The following CPM variants were observed in gnomAD, a reference collection of about 807,000 sequenced individuals.
The protein encoded by CPM is carboxypeptidase M.
In CPM, 35 loss-of-function variants were observed where a neutral mutation model predicts 46.4. The observed-to-expected ratio is 0.75, with a 90% CI of 0.58 to 1.00. CPM has a LOEUF of 1.00. Among genes scored for constraint, CPM ranks in the 50% least tolerant of loss-of-function variants. The pLI is 0.00. For missense variants in CPM, 422 were observed against 530.4 expected (o/e 0.80, Z 2.01); for synonymous variants, 195 against 195.3 (o/e 1.00, Z 0.01).
At chr12:68,864,788 G>T (rs933913331) in intron 7 of CPM, among the ~76,000 whole-genome samples, 1 of 152,200 alleles carries the variant, frequency 6.6e-6, no homozygotes, top group African/African-American at 2.4e-5. Flanking sequence ...GAGGCAGAAG[G>T]ATCGCTTGAG....
intron 2 of CPM, among the ~76,000 whole-genome samples, chr12:68,900,682 T>C (rs1887076158): frequency 6.6e-6 from 1 of 152,180 alleles, no homozygotes; most frequent in Non-Finnish European, 1.5e-5. Context: ...GACAATGGAA[T>C]ACGAGTCAGT....
At chr12:68,959,486 T>C (rs937687592) in intron 1 of CPM, among the ~76,000 whole-genome samples, 3 of 152,176 alleles carry the variant, frequency 2.0e-5, no homozygotes, top group Admixed American at 6.5e-5. Flanking sequence ...TAAGACTGAG[T>C]TAGTTTTCAA....
intron 2 of CPM, among the ~76,000 whole-genome samples, chr12:68,916,082 C>T (rs1488511020): frequency 6.6e-6 from 1 of 152,188 alleles, no homozygotes; most frequent in East Asian, 1.9e-4. Flanking sequence ...CTCTCATGTT[C>T]CTGCTCACGC....
downstream of CPM, chr12:68,846,255 A>ATTTTTGTAT (rs1156427702): frequency 6.7e-6 from 1 of 148,176 alleles, no homozygotes; most frequent in Non-Finnish European, 1.5e-5. Flanking sequence ...GCCCGGCCTA[A>ATTTTTGTAT]TTTTTGTATT....
At chr12:68,938,598 T>G (rs766116155) in intron 1 of CPM, among the ~76,000 whole-genome samples, 1 of 152,154 alleles carries the variant, frequency 6.6e-6, no homozygotes, top group East Asian at 1.9e-4. Context: ...ATTGCTAGGT[T>G]AAAAAGCATG....
rs894048935 is a variant in CPM at position 68,846,072 on chromosome 12, T to G, written c.534-3743A>C. 19 of 152,378 alleles carry G rather than the reference T, an allele frequency of 1.2e-4. 1 individual carries two copies. The South Asian group carries it at 1.9e-3, about 15-fold the overall frequency. The allele number at this position is 152,378 out of a possible 1,614,324, so 9.4% of individuals were successfully genotyped here. Reference sequence around the variant, plus strand: ...AGGTTCAAGCAATTCTGCCTCAGCCTCCTGAGTAGCTGGAATTATAGGTGC... The same window carrying G: ...AGGTTCAAGCAATTCTGCCTCAGCCGCCTGAGTAGCTGGAATTATAGGTGC... On this transcript the variant is annotated intron_variant, in intron 5 of 5. Coordinates refer to the CPM transcript ENST00000551897.
At chr12:68,892,730 A>G (rs751651648) in intron 2 of CPM, among the ~76,000 whole-genome samples, 4 of 152,114 alleles carry the variant, frequency 2.6e-5, no homozygotes, top group Non-Finnish European at 4.4e-5. Context: ...GTGGTGGTAC[A>G]TGCCTGTAAT....
At chr12:68,932,491 A>G (rs1441540676) in intron 2 of CPM, among the ~76,000 whole-genome samples, 187 bp downstream of exon 2, 2 of 152,234 alleles carry the variant, frequency 1.3e-5, no homozygotes, top group Non-Finnish European at 2.9e-5. Flanking sequence ...GTCCAGTAAA[A>G]TTCAGTTCTT....
At chr12:68,932,635 G>C (rs769400994) in intron 2 of CPM, 43 bp downstream of exon 2, 8 of 1,607,824 alleles carry the variant, frequency 5.0e-6, no homozygotes, top group Non-Finnish European at 6.8e-6. Flanking sequence ...TACTGAAAGG[G>C]AGGACTGAGG....
chr12:68,845,764 TTTTG>T (rs1426993781), intron 5 of CPM: 2 of 155,920 alleles, frequency 1.3e-5, no homozygotes, highest in Non-Finnish European at 1.4e-5. Context: ...AAATTTCACC[TTTTG>T]TTTGTTTTGT....
At chr12:68,908,460 C>A (rs76560707) in intron 2 of CPM, among the ~76,000 whole-genome samples, 2 of 151,330 alleles carry the variant, frequency 1.3e-5, no homozygotes, top group East Asian at 3.9e-4. Context: ...ATTGCAAACT[C>A]CTGGGCCCAC....
chr12:68,920,190 G>A (rs775751712), intron 2 of CPM, among the ~76,000 whole-genome samples: 2 of 152,210 alleles, frequency 1.3e-5, no homozygotes, highest in Admixed American at 6.5e-5. Context: ...CTGGGGCCAC[G>A]CTTGTGCAGC....
At chr12:68,962,819 C>T (rs1274846981) in intron 1 of CPM, among the ~76,000 whole-genome samples, 1 of 152,232 alleles carries the variant, frequency 6.6e-6, no homozygotes, top group Non-Finnish European at 1.5e-5. Flanking sequence ...TTTATCATAA[C>T]CCAGACATTC....
intron 2 of CPM, among the ~76,000 whole-genome samples, chr12:68,888,617 G>A (rs190821122): frequency 2.0e-4 from 30 of 152,154 alleles, no homozygotes; most frequent in Non-Finnish European, 3.2e-4. Flanking sequence ...ATCTAAACAA[G>A]GTTTTGTTTT....
In CPM at chr12:68,882,024, C is replaced by CTTTTT. The variant is rs60522842; in HGVS notation, c.258+3763_258+3767dup. On this transcript the variant is annotated intron_variant, in intron 3 of 8. Transcript: ENST00000551568. ...GGCGTGAGCCACCACGCCCGGCCTGCTTTTTTTTTTTTTTTTTTTTTTAAC... is the reference window on the plus strand; with the variant it reads ...GGCGTGAGCCACCACGCCCGGCCTGCTTTTTTTTTTTTTTTTTTTTTTTTTTTAAC... Among the ~76,000 whole-genome samples the CTTTTT allele has an allele frequency of 6.2e-3, 777 of 124,670 alleles. 20 individuals carry two copies. Among genetic ancestry groups the CTTTTT allele is most frequent in the South Asian group, 0.018 (71 of 3,872 alleles). The allele number at this position is 124,670 out of a possible 152,430, so 81.8% of individuals were successfully genotyped here. A position where few individuals can be genotyped will look rare whatever the true frequency, so the allele number is the denominator to read the frequency against.
At chr12:68,940,141 A>T (rs886725445) in intron 1 of CPM, among the ~76,000 whole-genome samples, 1 of 149,724 alleles carries the variant, frequency 6.7e-6, no homozygotes, top group Non-Finnish European at 1.5e-5. Flanking sequence ...TTTAAAATTA[A>T]TTTTTTTAGA....
rs1884853127 is a variant in CPM at position 68,854,045 on chromosome 12, T to C, written c.*2392A>G. Reference sequence around the variant, plus strand: ...ATTTTTTTCTGATAAAAAAAGGTACTTTGTAGTGCTGTTAGGAGGTAACAT... The same window carrying C: ...ATTTTTTTCTGATAAAAAAAGGTACCTTGTAGTGCTGTTAGGAGGTAACAT... On this transcript the variant is annotated 3_prime_UTR_variant, in exon 9 of 9. Transcript: ENST00000551568. The C allele has an allele frequency of 6.6e-6, 1 of 152,200 alleles. No homozygotes were observed. Among genetic ancestry groups the C allele is most frequent in the African/African-American group, 2.4e-5 (1 of 41,450 alleles). The allele number at this position is 152,200 out of a possible 1,614,324, so 9.4% of individuals were successfully genotyped here. A position where few individuals can be genotyped will look rare whatever the true frequency, so the allele number is the denominator to read the frequency against.
intron 1 of CPM, among the ~76,000 whole-genome samples, chr12:68,950,189 A>T (rs1056923644): frequency 1.3e-5 from 2 of 152,178 alleles, no homozygotes; most frequent in Admixed American, 6.5e-5. Context: ...TGCTGTGTAG[A>T]AAAAGGTTTT....
chr12:68,954,104 A>T (rs981939967), intron 1 of CPM, among the ~76,000 whole-genome samples: 4 of 152,208 alleles, frequency 2.6e-5, no homozygotes, highest in African/African-American at 9.7e-5. Flanking sequence ...GAGCTCCTTC[A>T]TGGCATTTCA....
Sources: gnomAD v4.1 joint callset for allele counts (sites outside exome capture counted in the v4.1 genomes callset) on GRCh38, gnomAD v4.1.1 for gene constraint, MANE v1.5 for transcripts, NCBI Gene and HGNC (gene_info 2026-07-23, HGNC 2026-07-21) for gene names.